The following AHRR variants were observed in gnomAD, a reference collection of about 807,000 sequenced individuals.
The protein encoded by AHRR is aryl hydrocarbon receptor repressor.
Under a neutral mutation model 44.0 loss-of-function variants are expected in AHRR, and 28 were observed. The observed-to-expected ratio is 0.64, with a 90% CI of 0.47 to 0.87. The LOEUF (loss-of-function observed/expected upper bound fraction) is 0.87, where lower values mean the gene tolerates loss of function less well. Ranked by LOEUF, AHRR falls within the 40% of genes least tolerant of loss-of-function variation. The pLI, the probability that AHRR is intolerant of heterozygous loss-of-function variation, is 0.00. For synonymous variants in AHRR, 434 were observed against 407.0 expected (o/e 1.07, Z -0.80); for missense variants, 990 against 953.9 (o/e 1.04, Z -0.50).
Position 404,192 on chromosome 5 carries a change from C to T in AHRR, c.352-9152C>T. 1.9e-6 allele frequency: 1 copy of T among 533,790 alleles called. No individual in the cohort carries two copies. Among genetic ancestry groups the T allele is most frequent in the Non-Finnish European group, 3.6e-6 (1 of 275,620 alleles). The allele number at this position is 533,790 out of a possible 1,614,324, so 33.1% of individuals were successfully genotyped here. On this transcript the variant is annotated intron_variant, in intron 4 of 10. Transcript: ENST00000684583. This position sits in a 1 kb window ranked among gnomAD's most constrained non-coding sequence, Gnocchi z 4.1. ...ATTCCTGTCACGAGCTGGTCTTCTG[C>T]AGCCTTTGAACCCGTCGCAGCTCTC...
In AHRR at chr5:383,672, C is replaced by A. The variant is rs1392889205; in HGVS notation, c.351+6956C>A. Among the ~76,000 whole-genome samples, 1 of 152,062 alleles carries A rather than the reference C, an allele frequency of 6.6e-6. No individual in the cohort carries two copies. Among genetic ancestry groups the A allele is most frequent in the Non-Finnish European group, 1.5e-5 (1 of 68,010 alleles). ...TGAACTCCTGAGCTCAAGAGATCCT[C>A]CCGCTTCAGCTTCTTGAGTAGCTGG... On this transcript the variant is annotated intron_variant, in intron 4 of 10. Coordinates refer to ENST00000684583, the MANE Select transcript of AHRR (RefSeq NM_001377236.1). This position sits in a 1 kb window ranked among gnomAD's most constrained non-coding sequence, Gnocchi z 4.0.
chr5:412,559 G>T (rs1005799346), intron 4 of AHRR, among the ~76,000 whole-genome samples: 2 of 152,020 alleles, frequency 1.3e-5, no homozygotes, highest in Non-Finnish European at 2.9e-5. Context: ...CAATTCCAAG[G>T]CATATTAAAA....
At chr5:384,613 G>T (rs546203137) in intron 4 of AHRR, among the ~76,000 whole-genome samples, 1 of 152,008 alleles carries the variant, frequency 6.6e-6, no homozygotes, top group East Asian at 1.9e-4. Context: ...TAGTAGATGG[G>T]GTTTCACCAT....
chr5:355,298 A>C (rs1290545895), intron 3 of AHRR, among the ~76,000 whole-genome samples: 1 of 151,942 alleles, frequency 6.6e-6, no homozygotes, highest in African/African-American at 2.4e-5. Flanking sequence ...CCCTGCATGC[A>C]CCTGGGCATG....
At chr5:412,358 G>A (rs1044180268) in intron 4 of AHRR, among the ~76,000 whole-genome samples, 4 of 152,154 alleles carry the variant, frequency 2.6e-5, no homozygotes, top group African/African-American at 7.2e-5. Context: ...AAATGTGCCC[G>A]CACTAGAGGG....
chr5:344,941 TGG>T (rs1220298708), intron 2 of AHRR, among the ~76,000 whole-genome samples: 836 of 26,138 alleles, frequency 0.032, 15 homozygotes, highest in Admixed American at 0.038. Flanking sequence ...GAGCTGTGTG[TGG>T]GGGGGGTGTG....
At chr5:343,823 C>A in intron 1 of AHRR, 70 bp from the exon 2 acceptor site, 1 of 1,506,720 alleles carries the variant, frequency 6.6e-7, no homozygotes, top group Non-Finnish European at 8.9e-7. Flanking sequence ...GCTGAGGGGC[C>A]CGGGGCATCG....
At chr5:376,136 C>T (rs933316805) in intron 3 of AHRR, among the ~76,000 whole-genome samples, 22 of 108,622 alleles carry the variant, frequency 2.0e-4, no homozygotes, top group Admixed American at 3.3e-4. Context: ...CCCAGGTGGA[C>T]GCAGGGGACC....
chr5:404,040 A>G lies in AHRR; in HGVS notation c.352-9304A>G, dbSNP rs558393717. ...TCTTAATCCACGGCTGAATCTGTTTAGTCTTTGCATCCAAATCATGTTGTC... is the reference window on the plus strand; with the variant it reads ...TCTTAATCCACGGCTGAATCTGTTTGGTCTTTGCATCCAAATCATGTTGTC... On this transcript the variant is annotated intron_variant, in intron 4 of 10. Transcript: ENST00000684583. The surrounding 1 kb of genome is among the most constrained non-coding windows in gnomAD (Gnocchi z 4.1). The G allele has an allele frequency of 1.5e-4, 110 of 738,222 alleles. No homozygotes were observed. The Middle Eastern group carries it at 1.9e-3, about 13-fold the overall frequency. 45.7% of individuals were successfully genotyped at this position (738,222 alleles called of 1,614,324 possible). A position where few individuals can be genotyped will look rare whatever the true frequency, so the allele number is the denominator to read the frequency against.
chr5:416,679 G>A (rs1341054061), intron 5 of AHRR, among the ~76,000 whole-genome samples: 2 of 152,202 alleles, frequency 1.3e-5, no homozygotes, highest in African/African-American at 2.4e-5. Context: ...TCCTTTACAC[G>A]TGTGGAGAGT....
At chr5:354,724 G>C (rs555389067) in intron 3 of AHRR, among the ~76,000 whole-genome samples, 19 of 152,178 alleles carry the variant, frequency 1.2e-4, no homozygotes, top group Non-Finnish European at 2.4e-4. Context: ...CCCGTGACCA[G>C]CAGCATGTGG....
intron 4 of AHRR, among the ~76,000 whole-genome samples, 168 bp downstream of exon 4, chr5:376,884 A>G (rs1030940288): frequency 1.3e-5 from 2 of 152,158 alleles, no homozygotes; most frequent in African/African-American, 4.8e-5. Flanking sequence ...AATCTGTTGA[A>G]GAAGGGTGTC....
chr5:369,499 C>T (rs1355955346), intron 3 of AHRR, among the ~76,000 whole-genome samples: 1 of 152,208 alleles, frequency 6.6e-6, no homozygotes, highest in East Asian at 1.9e-4. Flanking sequence ...CAGCACAGCC[C>T]GACTCAGGAG....
intron 2 of AHRR, among the ~76,000 whole-genome samples, chr5:347,898 G>C (rs1354257171): frequency 1.3e-5 from 2 of 152,366 alleles, no homozygotes; most frequent in East Asian, 3.9e-4. Context: ...ATGCACCTGA[G>C]GGCCGTGTCC....
In AHRR at chr5:436,505, C is replaced by A. The variant is rs1250076633; in HGVS notation, c.*1671C>A. 6.6e-6 allele frequency: 1 copy of A among 152,356 alleles called. No homozygotes were observed. The highest frequency in any genetic ancestry group is 2.4e-5 in the African/African-American group (1 of 41,416). 9.4% of individuals were successfully genotyped at this position (152,356 alleles called of 1,614,324 possible). On this transcript the variant is annotated 3_prime_UTR_variant, in exon 11 of 11. Transcript: ENST00000684583. ...TGGCCTGGTTCTTGGACAGTTTGCC[C>A]CCATGTGGCAGGGATAGGGATAAGG... is the stretch of plus-strand genomic sequence containing the variant.
At chr5:348,975 C>T (rs1216907244) in intron 2 of AHRR, among the ~76,000 whole-genome samples, 3 of 152,190 alleles carry the variant, frequency 2.0e-5, no homozygotes, top group Admixed American at 6.5e-5. Flanking sequence ...CCCGCCGGTG[C>T]GTGGTGTGCT....
intron 4 of AHRR, among the ~76,000 whole-genome samples, chr5:391,466 G>C (rs1275998758): frequency 1.9e-4 from 20 of 104,898 alleles, no homozygotes; most frequent in Non-Finnish European, 5.3e-5. Context: ...GGGCCAGAGC[G>C]TGCACGGGGG....
chr5:343,252 G>C (rs1041560664), intron 1 of AHRR, among the ~76,000 whole-genome samples: 34 of 148,560 alleles, frequency 2.3e-4, no homozygotes, highest in African/African-American at 8.1e-4. Flanking sequence ...CCTTCTCGGG[G>C]TGACAGGAAC....
intron 1 of AHRR, among the ~76,000 whole-genome samples, chr5:328,082 G>T (rs1741775840): frequency 6.6e-6 from 1 of 151,830 alleles, no homozygotes; most frequent in Non-Finnish European, 1.5e-5. Context: ...ATGGTTTCCA[G>T]TTTCATCCAT....
Sources: allele counts gnomAD v4.1 joint callset (sites outside exome capture counted in the v4.1 genomes callset), GRCh38; gene constraint gnomAD v4.1.1; non-coding constraint Gnocchi (gnomAD v3.1); transcripts MANE v1.5; gene names NCBI Gene and HGNC (gene_info 2026-07-23, HGNC 2026-07-21).